Variants in KCTD1 observed in about 807,000 individuals in gnomAD.
KCTD1 encodes the protein BTB/POZ domain-containing protein KCTD1.
KCTD1 carries 24 observed loss-of-function variants against 66.0 expected under a neutral mutation model. That is an observed-to-expected ratio of 0.36 (90% CI 0.26 to 0.51). KCTD1 has a LOEUF of 0.51. Among genes scored for constraint, KCTD1 ranks in the 20% least tolerant of loss-of-function variants. The pLI is 0.95. For synonymous variants in KCTD1, 511 were observed against 517.2 expected (o/e 0.99, Z 0.16); for missense variants, 943 against 1,205.2 (o/e 0.78, Z 3.22).
At chr18:26,605,742 ATC>A (rs2144980675) in intron 1 of KCTD1, among the ~76,000 whole-genome samples, 1 of 137,734 alleles carries the variant, frequency 7.3e-6, no homozygotes, top group African/African-American at 2.8e-5. Context: ...CTATCTATCT[ATC>A]TATCTATCTA....
At chr18:26,644,962 C>G (rs1442788990), upstream of KCTD1, among the ~76,000 whole-genome samples, 2 of 152,088 alleles carry the variant, frequency 1.3e-5, no homozygotes, top group East Asian at 3.9e-4. Flanking sequence ...AGTGGGTTGC[C>G]CACATGAAGC....
At chr18:26,634,984 T>C (rs1289806968) in intron 1 of KCTD1, among the ~76,000 whole-genome samples, 1 of 152,146 alleles carries the variant, frequency 6.6e-6, no homozygotes, top group Non-Finnish European at 1.5e-5. Context: ...AAACAGCATT[T>C]TAAAAATAAT....
chr18:26,546,225 T>TA (rs4059262), intron 1 of KCTD1, among the ~76,000 whole-genome samples: 16,671 of 142,056 alleles, frequency 0.12, 1,613 homozygotes, highest in African/African-American at 0.27. Context: ...CCCTTTTCTT[T>TA]AAAAAAAAAA....
At chr18:26,486,286 G>A (rs768123899) in intron 2 of KCTD1, among the ~76,000 whole-genome samples, 5 of 152,178 alleles carry the variant, frequency 3.3e-5, no homozygotes, top group Non-Finnish European at 7.3e-5. Context: ...GAGCCATCGA[G>A]TAACTTGCCA....
chr18:26,614,153 T>C (rs926963109), intron 1 of KCTD1, among the ~76,000 whole-genome samples: 1 of 152,268 alleles, frequency 6.6e-6, no homozygotes, highest in African/African-American at 2.4e-5. Context: ...CCTAGTCTAG[T>C]GTCTACTCCA....
intron 2 of KCTD1, among the ~76,000 whole-genome samples, chr18:26,498,988 C>T (rs1364304286): frequency 6.6e-6 from 1 of 152,150 alleles, no homozygotes; most frequent in East Asian, 1.9e-4. Flanking sequence ...AGGGAGCTTC[C>T]CAGGGGCTAA....
chr18:26,516,344 A>C (rs1438260855), intron 1 of KCTD1, among the ~76,000 whole-genome samples: 2 of 152,188 alleles, frequency 1.3e-5, no homozygotes, highest in African/African-American at 4.8e-5. Context: ...GGAGGAACTT[A>C]CTGGATCCCT....
At chr18:26,504,176 C>A (rs12957766) in intron 1 of KCTD1, among the ~76,000 whole-genome samples, 1 of 152,052 alleles carries the variant, frequency 6.6e-6, no homozygotes, top group Non-Finnish European at 1.5e-5. Context: ...ATCAAGCGAT[C>A]CCCCCACCTC....
At chr18:26,591,700 AC>A (rs1222092554) in intron 1 of KCTD1, among the ~76,000 whole-genome samples, 8 of 152,202 alleles carry the variant, frequency 5.3e-5, no homozygotes, top group South Asian at 2.1e-4. Flanking sequence ...TTTTCTAGTT[AC>A]CCTTAAGTCC....
chr18:26,610,671 AAGAG>A (rs1264157064), intron 1 of KCTD1, among the ~76,000 whole-genome samples: 1 of 151,932 alleles, frequency 6.6e-6, no homozygotes, highest in East Asian at 1.9e-4. Flanking sequence ...GCAAGAAAGA[AAGAG>A]AGAAAGAAAA....
At chr18:26,505,622 T>C (rs1982995563) in intron 1 of KCTD1, among the ~76,000 whole-genome samples, 1 of 152,074 alleles carries the variant, frequency 6.6e-6, no homozygotes, top group Non-Finnish European at 1.5e-5. Context: ...AGTGGCGCAA[T>C]CATAGCTCAC....
chr18:26,612,372 G>A (rs1728630883), intron 1 of KCTD1, among the ~76,000 whole-genome samples: 1 of 152,122 alleles, frequency 6.6e-6, no homozygotes, highest in South Asian at 2.1e-4. Context: ...CTAACCCCCA[G>A]TACCTCAGAA....
At chr18:26,589,777 C>A (rs1171210306) in intron 1 of KCTD1, among the ~76,000 whole-genome samples, 2 of 152,212 alleles carry the variant, frequency 1.3e-5, no homozygotes, top group Admixed American at 6.5e-5. Context: ...CCATCCCCTG[C>A]CAGAAATGAG....
At chr18:26,518,099 A>C (rs1477503096) in intron 1 of KCTD1, among the ~76,000 whole-genome samples, 2 of 152,230 alleles carry the variant, frequency 1.3e-5, no homozygotes, top group African/African-American at 4.8e-5. Flanking sequence ...AGAGCAAGAC[A>C]CTCAGTAGGC....
At chr18:26,461,222 T>A (rs1022261927) in intron 3 of KCTD1, among the ~76,000 whole-genome samples, 2 of 152,240 alleles carry the variant, frequency 1.3e-5, no homozygotes, top group Non-Finnish European at 2.9e-5. Flanking sequence ...TATTCAACGC[T>A]TCCAGAGAAA....
chr18:26,638,308 TTTTA>T (rs1460047577), intron 1 of KCTD1, among the ~76,000 whole-genome samples: 1 of 152,188 alleles, frequency 6.6e-6, no homozygotes, highest in Non-Finnish European at 1.5e-5. Flanking sequence ...TCCTTTAATA[TTTTA>T]TTTATCTCCC....
chr18:26,468,157 A>T lies in KCTD1; in HGVS notation c.2134-8232T>A, dbSNP rs141560030. Among the ~76,000 whole-genome samples the T allele has an allele frequency of 2.1e-3, 326 of 152,362 alleles. No individual in the cohort carries two copies. The highest frequency in any genetic ancestry group is 3.7e-3 in the Non-Finnish European group (251 of 68,038). ...GTACACGCTCATGTGCAGGGCATAA[A>T]ACAACAATGAGCAAATCAGTAAAAT... is the stretch of plus-strand genomic sequence containing the variant. On this transcript the variant is annotated intron_variant, in intron 3 of 4. Coordinates refer to ENST00000580059, the MANE Select transcript of KCTD1 (RefSeq NM_001142730.3). This position sits in a 1 kb window ranked among gnomAD's most constrained non-coding sequence, Gnocchi z 4.8.
intron 1 of KCTD1, among the ~76,000 whole-genome samples, chr18:26,567,296 CT>C (rs1458115636): frequency 6.6e-6 from 1 of 152,160 alleles, no homozygotes; most frequent in Non-Finnish European, 1.5e-5. Flanking sequence ...TTCAAAGGTG[CT>C]GAAATCAGAA....
chr18:26,629,715 C>A (rs1031625707), upstream of KCTD1, among the ~76,000 whole-genome samples: 1 of 116,268 alleles, frequency 8.6e-6, no homozygotes, highest in South Asian at 2.9e-4. Flanking sequence ...AAGAGATTGA[C>A]CCCCCCGCCT....
Sources: gnomAD v4.1 joint callset for allele counts (sites outside exome capture counted in the v4.1 genomes callset) on GRCh38, gnomAD v4.1.1 for gene constraint, Gnocchi (gnomAD v3.1) non-coding constraint, MANE v1.5 for transcripts, NCBI Gene and HGNC (gene_info 2026-07-23, HGNC 2026-07-21) for gene names.